The following STOX2 variants were observed in gnomAD, a reference collection of about 807,000 sequenced individuals.
STOX2 encodes the protein storkhead box 2.
In STOX2, 28 loss-of-function variants were observed where a neutral mutation model predicts 60.9. The ratio of observed to expected loss-of-function variants is 0.46; its 90% CI spans 0.34 to 0.63. The LOEUF (loss-of-function observed/expected upper bound fraction) is 0.63. STOX2 is among the 30% of genes least tolerant of loss of function. The pLI is 0.01. For missense variants in STOX2, 1,024 were observed against 1,187.7 expected (o/e 0.86, Z 2.03); for synonymous variants, 472 against 463.9 (o/e 1.02, Z -0.22).
rs559018180 is a variant in STOX2, at chr4:183,940,600, C to T, written c.166+33644C>T. Among the ~76,000 whole-genome samples the T allele has an allele frequency of 2.6e-5, 4 of 152,252 alleles. No homozygotes were observed. In the South Asian group the frequency reaches 6.2e-4, roughly 24 times the overall value. On this transcript the variant is annotated intron_variant, in intron 1 of 3. Transcript: ENST00000308497. The stretch of plus-strand genomic sequence containing the variant: ...AAAGATGTTGTCATCAAAGGGAACA[C>T]AGCACGGTCTAATTTGAAACTCGAA...
chr4:183,828,025 A>G (rs1382508077), intron 1 of STOX2, among the ~76,000 whole-genome samples: 1 of 152,138 alleles, frequency 6.6e-6, no homozygotes, highest in Non-Finnish European at 1.5e-5. Flanking sequence ...TGATGTTTGC[A>G]TAAACATTTT....
At chr4:183,843,967 A>G (rs900787937) in intron 1 of STOX2, among the ~76,000 whole-genome samples, 3 of 152,172 alleles carry the variant, frequency 2.0e-5, no homozygotes, top group African/African-American at 7.2e-5. Context: ...TTCTGAAAAT[A>G]AATTATGTTT....
chr4:183,818,206 C>G (rs1739197097), intron 1 of STOX2, among the ~76,000 whole-genome samples: 1 of 151,468 alleles, frequency 6.6e-6, no homozygotes, highest in African/African-American at 2.4e-5. Flanking sequence ...AACAAGTGAA[C>G]AAAGGTCTCT....
At chr4:183,943,465 T>C (rs1366966966) in intron 1 of STOX2, among the ~76,000 whole-genome samples, 2 of 152,176 alleles carry the variant, frequency 1.3e-5, no homozygotes. Context: ...GTGATAGGTA[T>C]GTGGAGGTTT....
intron 1 of STOX2, among the ~76,000 whole-genome samples, chr4:183,893,103 A>C (rs1741263559): frequency 1.5e-5 from 2 of 136,894 alleles, no homozygotes; most frequent in South Asian, 4.4e-4. Flanking sequence ...CTCTGGGTCC[A>C]ACTTTCTTTT....
chr4:183,875,494 G>A (rs1740808938), intron 1 of STOX2, among the ~76,000 whole-genome samples: 1 of 152,334 alleles, frequency 6.6e-6, no homozygotes, highest in South Asian at 2.1e-4. Context: ...TGATAGTCGG[G>A]ACTGTGTTCC....
At chr4:183,891,450 A>AT (rs1208452950) in intron 1 of STOX2, among the ~76,000 whole-genome samples, 1 of 147,098 alleles carries the variant, frequency 6.8e-6, no homozygotes, top group Non-Finnish European at 1.5e-5. Context: ...AATTAATGGC[A>AT]TTTGCAGCAA....
intron 1 of STOX2, among the ~76,000 whole-genome samples, chr4:183,924,705 G>A (rs1742192351): frequency 6.6e-6 from 1 of 152,174 alleles, no homozygotes; most frequent in African/African-American, 2.4e-5. Context: ...CCTAGAGGAA[G>A]AAACTGATAG....
intron 1 of STOX2, among the ~76,000 whole-genome samples, chr4:183,915,157 A>G (rs1175682316): frequency 6.6e-5 from 10 of 152,156 alleles, no homozygotes; most frequent in Non-Finnish European, 1.5e-4. Flanking sequence ...AAAGAGAGAG[A>G]TTTGGCAGAT....
intron 1 of STOX2, among the ~76,000 whole-genome samples, chr4:183,830,026 G>T (rs1475711618): frequency 6.6e-6 from 1 of 152,162 alleles, no homozygotes; most frequent in Non-Finnish European, 1.5e-5. Context: ...GAATCCTTTA[G>T]ATCTTTACTG....
chr4:183,863,030 C>T (rs578151000), intron 1 of STOX2, among the ~76,000 whole-genome samples: 10 of 152,280 alleles, frequency 6.6e-5, no homozygotes, highest in Non-Finnish European at 1.5e-4. Context: ...CTCATGTCAT[C>T]GTAGTTCAGG....
chr4:184,001,191 A>G lies in STOX2; in HGVS notation c.167-134A>G. 1 of 764,208 alleles carries G rather than the reference A, an allele frequency of 1.3e-6. No individual in the cohort carries two copies. Among genetic ancestry groups the G allele is most frequent in the Non-Finnish European group, 2.1e-6 (1 of 479,218 alleles). The allele number at this position is 764,208 out of a possible 1,614,324, so 47.3% of individuals were successfully genotyped here. A position where few individuals can be genotyped will look rare whatever the true frequency, so the allele number is the denominator to read the frequency against. ...CTGTGGCTTCTGTGTTCAGAGTGGA[A>G]TTGGCAAGCAGCTGCTATGTTCGGA... is the stretch of plus-strand genomic sequence containing the variant. On this transcript the variant is annotated intron_variant, in intron 1 of 3. Transcript: ENST00000308497. The surrounding 1 kb of genome is among the most constrained non-coding windows in gnomAD (Gnocchi z 4.2).
chr4:183,908,724 T>C (rs942878850), intron 1 of STOX2, among the ~76,000 whole-genome samples: 6 of 152,148 alleles, frequency 3.9e-5, no homozygotes, highest in African/African-American at 1.2e-4. Flanking sequence ...AAGCTTTTAA[T>C]TGTACTTGAT....
chr4:183,951,057 T>G (rs1019857390), intron 1 of STOX2, among the ~76,000 whole-genome samples: 1 of 150,712 alleles, frequency 6.6e-6, no homozygotes, highest in East Asian at 2.0e-4. Context: ...CTACTAAAAA[T>G]ACAAAAAAAT....
intron 1 of STOX2, among the ~76,000 whole-genome samples, chr4:183,921,801 A>G (rs978907721): frequency 1.3e-5 from 2 of 152,244 alleles, no homozygotes; most frequent in Non-Finnish European, 2.9e-5. Flanking sequence ...GATATCTTTT[A>G]TTAACTCTTA....
At chr4:183,994,679 A>G (rs140966729) in intron 1 of STOX2, among the ~76,000 whole-genome samples, 212 of 152,346 alleles carry the variant, frequency 1.4e-3, no homozygotes, top group Non-Finnish European at 2.5e-3. Flanking sequence ...CGCAGAGCGG[A>G]TAATTGTATT....
intron 1 of STOX2, among the ~76,000 whole-genome samples, chr4:183,869,950 T>G (rs1354788047): frequency 6.6e-6 from 1 of 152,178 alleles, no homozygotes; most frequent in Non-Finnish European, 1.5e-5. Flanking sequence ...GGAATGGGCT[T>G]CTGATTCACA....
chr4:183,914,315 G>A (rs1418268727), intron 1 of STOX2, among the ~76,000 whole-genome samples: 2 of 152,192 alleles, frequency 1.3e-5, no homozygotes, highest in East Asian at 1.9e-4. Flanking sequence ...GCATGTGCCT[G>A]TAGTCCCAGC....
intron 1 of STOX2, among the ~76,000 whole-genome samples, chr4:183,863,746 G>A (rs968431242): frequency 2.2e-4 from 34 of 152,192 alleles, no homozygotes; most frequent in Admixed American, 4.6e-4. Context: ...ACATAGAAAA[G>A]AGTCCATTTC....
Sources: gnomAD v4.1 joint callset for allele counts (sites outside exome capture counted in the v4.1 genomes callset) on GRCh38, gnomAD v4.1.1 for gene constraint, Gnocchi (gnomAD v3.1) non-coding constraint, MANE v1.5 for transcripts, NCBI Gene and HGNC (gene_info 2026-07-23, HGNC 2026-07-21) for gene names.